The following NRXN3 variants were observed in gnomAD, a reference collection of about 807,000 sequenced individuals.
The protein encoded by NRXN3 is neurexin 3, also known as neurexin III.
NRXN3 carries 32 observed loss-of-function variants against 137.6 expected under a neutral mutation model. The observed-to-expected ratio is 0.23, with a 90% confidence interval of 0.18 to 0.31. The LOEUF is 0.31. Among genes scored for constraint, NRXN3 ranks in the 10% least tolerant of loss-of-function variants. The pLI, the probability that NRXN3 is intolerant of heterozygous loss-of-function variation, is 1.00. For synonymous variants in NRXN3, 798 were observed against 784.5 expected (o/e 1.02, Z -0.29); for missense variants, 1,574 against 2,062.5 (o/e 0.76, Z 4.59).
chr14:79,213,871 C>T (rs1421197214), intron 15 of NRXN3, among the ~76,000 whole-genome samples: 1 of 152,160 alleles, frequency 6.6e-6, no homozygotes, highest in Non-Finnish European at 1.5e-5. Flanking sequence ...TTCACACGAC[C>T]AGGTAGCATT....
chr14:78,992,951 C>T (rs773717851), intron 15 of NRXN3, among the ~76,000 whole-genome samples: 1 of 152,126 alleles, frequency 6.6e-6, no homozygotes, highest in Non-Finnish European at 1.5e-5. Context: ...CCTCAGCCCA[C>T]CCTTAGGAGC....
intron 4 of NRXN3, among the ~76,000 whole-genome samples, chr14:78,611,522 G>T (rs2097300994): frequency 6.6e-6 from 1 of 151,454 alleles, no homozygotes. Flanking sequence ...AAGTTCCAAA[G>T]CACATTCAAA....
At chr14:78,456,865 C>G (rs1473181331) in intron 4 of NRXN3, among the ~76,000 whole-genome samples, 1 of 133,830 alleles carries the variant, frequency 7.5e-6, no homozygotes, top group African/African-American at 2.8e-5. Flanking sequence ...TTTTCTCTTT[C>G]TTTCTTTCTT....
chr14:79,733,751 G>A (rs2098932479), intron 19 of NRXN3, among the ~76,000 whole-genome samples: 1 of 151,206 alleles, frequency 6.6e-6, no homozygotes, highest in Non-Finnish European at 1.5e-5. Context: ...TGTAAGAGAA[G>A]ACACCACTGT....
intron 15 of NRXN3, among the ~76,000 whole-genome samples, chr14:79,089,791 C>A (rs2048820896): frequency 6.6e-6 from 1 of 152,064 alleles, no homozygotes; most frequent in African/African-American, 2.4e-5. Context: ...TTTTTGGCAT[C>A]ATTCAGTGGA....
At chr14:79,671,653 T>C (rs1415769090) in intron 17 of NRXN3, among the ~76,000 whole-genome samples, 1 of 152,098 alleles carries the variant, frequency 6.6e-6, no homozygotes, top group Non-Finnish European at 1.5e-5. Flanking sequence ...ATTTTTTTAA[T>C]TTAATTTTTG....
chr14:79,060,225 T>C (rs1252605693), intron 15 of NRXN3, among the ~76,000 whole-genome samples: 1 of 152,216 alleles, frequency 6.6e-6, no homozygotes, highest in East Asian at 1.9e-4. Flanking sequence ...ATCTCAAGAA[T>C]GAAAGCCAAG....
chr14:78,856,961 C>T (rs2099059079), intron 10 of NRXN3, among the ~76,000 whole-genome samples: 1 of 152,032 alleles, frequency 6.6e-6, no homozygotes, highest in South Asian at 2.1e-4. Context: ...TCAAACTCCT[C>T]ACCTCAAGTA....
At chr14:78,203,292 G>C (rs1047847895) in intron 1 of NRXN3, among the ~76,000 whole-genome samples, 1 of 152,148 alleles carries the variant, frequency 6.6e-6, no homozygotes, top group Admixed American at 6.5e-5. Context: ...TGGGGCCCAG[G>C]GGCAATATTA....
chr14:79,169,021 T>C (rs1471162547), intron 15 of NRXN3, among the ~76,000 whole-genome samples: 1 of 152,106 alleles, frequency 6.6e-6, no homozygotes, highest in Non-Finnish European at 1.5e-5. Flanking sequence ...AGTTGGTTAG[T>C]GGCTGGCTTG....
At chr14:79,014,728 C>T (rs1322112023) in intron 15 of NRXN3, among the ~76,000 whole-genome samples, 1 of 152,198 alleles carries the variant, frequency 6.6e-6, no homozygotes, top group Non-Finnish European at 1.5e-5. Flanking sequence ...AGAAAATACT[C>T]TGGCTTGTTG....
intron 20 of NRXN3, among the ~76,000 whole-genome samples, chr14:79,846,155 G>A (rs2099370501): frequency 6.6e-6 from 1 of 152,196 alleles, no homozygotes; most frequent in Admixed American, 6.5e-5. Context: ...AGTGAGCACA[G>A]GCAGGTAGAA....
intron 18 of NRXN3, among the ~76,000 whole-genome samples, chr14:79,697,165 G>A (rs1002279909): frequency 2.0e-5 from 3 of 151,888 alleles, no homozygotes; most frequent in Non-Finnish European, 4.4e-5. Context: ...ATCAGACCTG[G>A]TTTTTAAATT....
At position 79,255,666 on chromosome 14, in the gene NRXN3, G is replaced by A. The variant is rs572099208; in HGVS notation, c.3263-211555G>A. Among the ~76,000 whole-genome samples the A allele has an allele frequency of 2.6e-5, 4 of 152,304 alleles. No individual in the cohort carries two copies. The East Asian group carries it at 7.7e-4, about 29-fold the overall frequency. On this transcript the variant is annotated intron_variant, in intron 15 of 20. Transcript: ENST00000335750. Reference sequence around the variant, plus strand: ...TATTATCCATTGCTTATCTCCAAATGCTTTAGTGTAATTTTCAACATGGTG... The same window carrying A: ...TATTATCCATTGCTTATCTCCAAATACTTTAGTGTAATTTTCAACATGGTG...
chr14:79,015,386 G>A (rs1299970921), intron 15 of NRXN3, among the ~76,000 whole-genome samples: 2 of 152,190 alleles, frequency 1.3e-5, no homozygotes, highest in South Asian at 2.1e-4. Context: ...CCACGGCTGA[G>A]AAAGATGGCA....
chr14:79,820,156 G>GTACTC (rs1468924453), intron 20 of NRXN3, among the ~76,000 whole-genome samples: 1 of 152,090 alleles, frequency 6.6e-6, no homozygotes, highest in Non-Finnish European at 1.5e-5. Context: ...TTCTTTCCCT[G>GTACTC]TACTCTTTGA....
Position 78,612,646 on chromosome 14 carries a change from A to G in NRXN3, c.758-32474A>G, listed in dbSNP as rs570229650. Among the ~76,000 whole-genome samples, 6 of 152,340 alleles carry G rather than the reference A, an allele frequency of 3.9e-5. No homozygotes were observed. The East Asian group carries it at 1.2e-3, about 29-fold the overall frequency. On this transcript the variant is annotated intron_variant, in intron 4 of 20. Coordinates refer to ENST00000335750, the MANE Select transcript of NRXN3 (RefSeq NM_001330195.2). ...CCACTTGCCAGATTTGTAGCTTTAG[A>G]AAAATTACTTACACTCTTCAGGGCT...
rs561903199 is a variant in NRXN3 at position 79,047,225 on chromosome 14, T to A, written c.3262+59084T>A. On this transcript the variant is annotated intron_variant, in intron 15 of 20. Transcript: ENST00000335750. The stretch of plus-strand genomic sequence containing the variant: ...CTAAGAAGGTATTCTCCAAGACTTC[T>A]TTATGTGAAGTAGTTCAGCCTTGGC... Among the ~76,000 whole-genome samples the A allele has an allele frequency of 5.3e-4, 81 of 151,828 alleles. 3 individuals carry two copies. The South Asian group carries it at 0.015, about 29-fold the overall frequency.
chr14:79,203,635 A>G (rs1303276573), intron 15 of NRXN3, among the ~76,000 whole-genome samples: 2 of 152,196 alleles, frequency 1.3e-5, no homozygotes, highest in Admixed American at 1.3e-4. Flanking sequence ...CCAGCATTAT[A>G]TAGTGATATG....
Sources: allele counts gnomAD v4.1 joint callset (sites outside exome capture counted in the v4.1 genomes callset), GRCh38; gene constraint gnomAD v4.1.1; transcripts MANE v1.5; gene names NCBI Gene and HGNC (gene_info 2026-07-23, HGNC 2026-07-21).